SHANK2: variants seen among roughly 807,000 people sequenced by gnomAD.
SHANK2 encodes SH3 and multiple ankyrin repeat domains protein 2.
Under a neutral mutation model 133.7 loss-of-function variants are expected in SHANK2, and 43 were observed. The observed-to-expected ratio is 0.32, with a 90% CI of 0.25 to 0.41. SHANK2 has a LOEUF of 0.41. Ranked by LOEUF, SHANK2 falls within the 10% of genes least tolerant of loss-of-function variation. SHANK2 has a pLI of 1.00. For missense variants in SHANK2, 1,994 were observed against 2,235.8 expected (o/e 0.89, Z 2.18); for synonymous variants, 1,017 against 952.8 (o/e 1.07, Z -1.24).
intron 17 of SHANK2, among the ~76,000 whole-genome samples, chr11:70,618,288 C>T (rs1356021756): frequency 6.6e-5 from 9 of 137,202 alleles, no homozygotes; most frequent in African/African-American, 5.4e-5. Flanking sequence ...AGTTAAGACT[C>T]GGTCTCAGAA....
At chr11:70,853,218 G>C (rs1476266297) in intron 11 of SHANK2, among the ~76,000 whole-genome samples, 4 of 152,248 alleles carry the variant, frequency 2.6e-5, no homozygotes, top group East Asian at 1.9e-4. Context: ...TCTGGAAACA[G>C]AGCCAGACTC....
intron 2 of SHANK2, among the ~76,000 whole-genome samples, chr11:71,165,942 CCT>C (rs782403809): frequency 2.6e-5 from 4 of 152,196 alleles, no homozygotes; most frequent in Non-Finnish European, 5.9e-5. Context: ...TCTCCTCCAT[CCT>C]CTGCTGAGCG....
intron 17 of SHANK2, among the ~76,000 whole-genome samples, chr11:70,613,396 G>A (rs1021844751): frequency 2.2e-4 from 34 of 152,050 alleles, no homozygotes; most frequent in African/African-American, 8.2e-4. Context: ...GTAGAGACAG[G>A]GTTTCACCGT....
At chr11:70,646,554 G>A (rs559924316) in intron 17 of SHANK2, among the ~76,000 whole-genome samples, 2 of 152,318 alleles carry the variant, frequency 1.3e-5, no homozygotes, top group East Asian at 3.9e-4. Context: ...AGAAGCATGG[G>A]ACCTGAACTC....
chr11:70,908,405 C>G (rs1004750319), intron 10 of SHANK2, among the ~76,000 whole-genome samples: 6 of 152,198 alleles, frequency 3.9e-5, no homozygotes, highest in Non-Finnish European at 5.9e-5. Flanking sequence ...GGACAGTGCT[C>G]CACATAGACA....
chr11:70,907,258 A>G (rs1555078121), intron 10 of SHANK2, among the ~76,000 whole-genome samples: 1 of 152,156 alleles, frequency 6.6e-6, no homozygotes, highest in East Asian at 1.9e-4. Context: ...GTATCCCCAG[A>G]GGCTGGGGAT....
intron 17 of SHANK2, among the ~76,000 whole-genome samples, chr11:70,548,377 ACT>A (rs1554976836): frequency 6.6e-6 from 1 of 151,620 alleles, no homozygotes; most frequent in Non-Finnish European, 1.5e-5. Context: ...AGGTGGGGAG[ACT>A]CTGCTTCTAG....
intron 1 of SHANK2, among the ~76,000 whole-genome samples, chr11:71,225,092 G>T (rs1489798509): frequency 6.6e-6 from 1 of 152,194 alleles, no homozygotes; most frequent in Non-Finnish European, 1.5e-5. Flanking sequence ...CCCAGACGTG[G>T]TGCTGAATAA....
intron 17 of SHANK2, among the ~76,000 whole-genome samples, chr11:70,556,012 G>A (rs1176743073): frequency 6.6e-6 from 1 of 152,194 alleles, no homozygotes; most frequent in African/African-American, 2.4e-5. Context: ...ATAAAAGTGC[G>A]AGGTGAAACA....
At chr11:71,122,917 T>C (rs1288126588) in intron 3 of SHANK2, among the ~76,000 whole-genome samples, 1 of 152,158 alleles carries the variant, frequency 6.6e-6, no homozygotes, top group Non-Finnish European at 1.5e-5. Context: ...GGCACCAGTC[T>C]GTGGTTGGTT....
At chr11:70,579,658 A>G (rs2136217636) in intron 17 of SHANK2, among the ~76,000 whole-genome samples, 1 of 152,346 alleles carries the variant, frequency 6.6e-6, no homozygotes, top group African/African-American at 2.4e-5. Context: ...TGTCCTGTGC[A>G]GGTCAGCCTG....
chr11:71,089,606 C>T (rs1313971990), intron 8 of SHANK2, among the ~76,000 whole-genome samples: 1 of 151,214 alleles, frequency 6.6e-6, no homozygotes, highest in African/African-American at 2.4e-5. Flanking sequence ...CAGTAGACGA[C>T]GTTTGTGGCT....
At chr11:70,940,590 C>T (rs1194777571) in intron 10 of SHANK2, among the ~76,000 whole-genome samples, 1 of 151,990 alleles carries the variant, frequency 6.6e-6, no homozygotes, top group Non-Finnish European at 1.5e-5. Flanking sequence ...GGCATCTCTC[C>T]CATTACCCAG....
chr11:70,854,475 AC>A (rs1949137663), intron 11 of SHANK2, among the ~76,000 whole-genome samples: 1 of 152,026 alleles, frequency 6.6e-6, no homozygotes, highest in South Asian at 2.1e-4. Flanking sequence ...CTCAGATTCC[AC>A]CCCCAGTGGC....
At chr11:70,825,228 T>G (rs1442586748) in intron 11 of SHANK2, among the ~76,000 whole-genome samples, 18 of 151,964 alleles carry the variant, frequency 1.2e-4, no homozygotes, top group African/African-American at 4.1e-4. Flanking sequence ...AAAAAAAAAG[T>G]CTATAAAAGA....
Position 71,163,093 on chromosome 11 carries a change from A to AAAAAACAT in SHANK2, c.-12-15756_-12-15755insATGTTTTT. On this transcript the variant is annotated intron_variant, in intron 2 of 25. Coordinates refer to ENST00000601538, the MANE Select transcript of SHANK2 (RefSeq NM_012309.5). Reference sequence around the variant, plus strand: ...GTCTAAAAAAAAAAAAAAAAAAAAAAATACATATATATATATATACAGAAT... The same window carrying AAAAAACAT: ...GTCTAAAAAAAAAAAAAAAAAAAAAAAAAAACATATACATATATATATATATACAGAAT... Among the ~76,000 whole-genome samples, 2 of 84,708 alleles carry AAAAAACAT rather than the reference A, an allele frequency of 2.4e-5. 1 individual carries two copies. The highest frequency in any genetic ancestry group is 9.2e-5 in the African/African-American group (2 of 21,790). 55.6% of individuals were successfully genotyped at this position (84,708 alleles called of 152,430 possible).
intron 17 of SHANK2, among the ~76,000 whole-genome samples, chr11:70,592,019 C>G (rs540210275): frequency 6.6e-6 from 1 of 150,810 alleles, no homozygotes; most frequent in South Asian, 2.1e-4. Flanking sequence ...GGCGATAGAG[C>G]GAGACTCCGT....
chr11:71,190,679 C>T (rs1953774692), intron 2 of SHANK2, among the ~76,000 whole-genome samples: 1 of 152,172 alleles, frequency 6.6e-6, no homozygotes, highest in South Asian at 2.1e-4. Context: ...CAGGCCGTGA[C>T]AGAATGCCAG....
At chr11:71,165,476 T>A (rs1953124276) in intron 2 of SHANK2, among the ~76,000 whole-genome samples, 1 of 152,188 alleles carries the variant, frequency 6.6e-6, no homozygotes, top group African/African-American at 2.4e-5. Flanking sequence ...TGTATCCTGC[T>A]CCTAGGACGC....
Sources: gnomAD v4.1 joint callset for allele counts (sites outside exome capture counted in the v4.1 genomes callset) on GRCh38, gnomAD v4.1.1 for gene constraint, MANE v1.5 for transcripts, NCBI Gene and HGNC (gene_info 2026-07-23, HGNC 2026-07-21) for gene names.